The following C17orf99 variants were observed in gnomAD, a reference collection of about 807,000 sequenced individuals.
The protein encoded by C17orf99 is chromosome 17 open reading frame 99.
In C17orf99, 18 loss-of-function variants were observed where a neutral mutation model predicts 22.6. The observed-to-expected ratio is 0.80, with a 90% CI of 0.55 to 1.18. The LOEUF is 1.18. Among genes scored for constraint, C17orf99 ranks in the 50% most tolerant of loss-of-function variants. The probability of loss-of-function intolerance (pLI) is 0.00; values close to 1 mark genes in which losing one functional copy is unlikely to be tolerated. For missense variants in C17orf99, 328 were observed against 342.7 expected, an observed-to-expected ratio of 0.96 and a Z score of 0.34; for synonymous variants, 147 against 136.6, an observed-to-expected ratio of 1.08 and a Z score of -0.53.
intron 3 of C17orf99, among the ~76,000 whole-genome samples, 152 bp from the exon 4 acceptor site, chr17:78,163,943 A>T (rs1272298625): frequency 6.6e-6 from 1 of 152,272 alleles, no homozygotes. Flanking sequence ...CAGCCCAGAC[A>T]CAAGGTGGAG....
intron 2 of C17orf99, among the ~76,000 whole-genome samples, chr17:78,155,097 A>G (rs2075515029): frequency 6.8e-6 from 1 of 147,524 alleles, no homozygotes; most frequent in African/African-American, 2.5e-5. Context: ...CTTGGCCTCT[A>G]CCCACTAAAT....
At chr17:78,150,994 G>A (rs1454762075) in intron 2 of C17orf99, among the ~76,000 whole-genome samples, 3 of 151,986 alleles carry the variant, frequency 2.0e-5, no homozygotes. Context: ...TTGGTGGCAG[G>A]CGCCTGTAAT....
intron 2 of C17orf99, among the ~76,000 whole-genome samples, chr17:78,148,980 G>T (rs1482362300): frequency 6.6e-6 from 1 of 152,024 alleles, no homozygotes; most frequent in African/African-American, 2.4e-5. Flanking sequence ...ACATTCTGGA[G>T]GCCAGCAGCA....
chr17:78,155,399 T>C lies in C17orf99; in HGVS notation c.71-5556T>C, dbSNP rs530661366. Among the ~76,000 whole-genome samples, 5 of 152,234 alleles carry C rather than the reference T, an allele frequency of 3.3e-5. No individual in the cohort carries two copies. The East Asian group carries it at 9.6e-4, about 29-fold the overall frequency. ...GAGCAAAGGCAATTCATGACGTCGA[T>C]GATATTCAGATTTCACAGACCCTTC... On this transcript the variant is annotated intron_variant, in intron 2 of 4. Transcript: ENST00000340363.
At chr17:78,163,735 G>A (rs2075595337) in intron 3 of C17orf99, among the ~76,000 whole-genome samples, 1 of 152,252 alleles carries the variant, frequency 6.6e-6, no homozygotes, top group Non-Finnish European at 1.5e-5. Context: ...ATGTGGTGGT[G>A]CACACCTGTA....
At chr17:78,162,595 G>C (rs1380400290) in intron 3 of C17orf99, among the ~76,000 whole-genome samples, 1 of 151,968 alleles carries the variant, frequency 6.6e-6, no homozygotes, top group East Asian at 1.9e-4. Context: ...TTACTGGCTG[G>C]GGTCTTGAAC....
intron 2 of C17orf99, chr17:78,158,045 C>T (rs2075542165): frequency 7.4e-7 from 1 of 1,353,176 alleles, no homozygotes; most frequent in Non-Finnish European, 1.0e-6. Context: ...GCACCTATCA[C>T]TGCTCCAGGA....
chr17:78,149,204 C>G (rs910511008), intron 2 of C17orf99, among the ~76,000 whole-genome samples: 2 of 151,656 alleles, frequency 1.3e-5, no homozygotes, highest in South Asian at 2.1e-4. Flanking sequence ...TGGTGGCGCA[C>G]GTCTGTAATC....
intron 4 of C17orf99, 43 bp downstream of exon 4, chr17:78,164,407 T>C: frequency 1.3e-6 from 2 of 1,550,992 alleles, no homozygotes; most frequent in Non-Finnish European, 1.7e-6. Flanking sequence ...CTGGCGCTTC[T>C]GTGCCGGGAG....
chr17:78,161,739 G>C (rs1350740779), intron 3 of C17orf99, among the ~76,000 whole-genome samples: 1 of 151,838 alleles, frequency 6.6e-6, no homozygotes, highest in African/African-American at 2.4e-5. Flanking sequence ...AGCTACTCAG[G>C]AGGCTGAGGC....
Position 78,154,982 on chromosome 17 carries a change from G to A in C17orf99, c.71-5973G>A, listed in dbSNP as rs181149880. Among the ~76,000 whole-genome samples the A allele has an allele frequency of 1.4e-3, 211 of 152,196 alleles. 2 individuals are homozygous for A. Among genetic ancestry groups the A allele is most frequent in the African/African-American group, 4.5e-3 (186 of 41,524 alleles). On this transcript the variant is annotated intron_variant, in intron 2 of 4. Transcript: ENST00000340363. ...ATCCTGATTCTAGAAGGCTGCTGCCGGTTGTCTAGACCAGAGTTGTCAACC... is the reference window on the plus strand; with the variant it reads ...ATCCTGATTCTAGAAGGCTGCTGCCAGTTGTCTAGACCAGAGTTGTCAACC...
chr17:78,163,933 C>T lies in C17orf99; in HGVS notation c.371-162C>T. Among the ~76,000 whole-genome samples the T allele has an allele frequency of 1.3e-5, 2 of 152,246 alleles. 1 individual carries two copies. The highest frequency in any genetic ancestry group is 2.9e-5 in the Non-Finnish European group (2 of 68,044). On this transcript the variant is annotated intron_variant, in intron 3 of 4. Coordinates refer to ENST00000340363, the MANE Select transcript of C17orf99 (RefSeq NM_001163075.2). ...GTGGTACACACGGCAGGTAGGGCAGCAGCCCAGACACAAGGTGGAGGGCAA... is the reference window on the plus strand; with the variant it reads ...GTGGTACACACGGCAGGTAGGGCAGTAGCCCAGACACAAGGTGGAGGGCAA...
At chr17:78,163,700 T>C (rs1387885313) in intron 3 of C17orf99, among the ~76,000 whole-genome samples, 1 of 152,084 alleles carries the variant, frequency 6.6e-6, no homozygotes, top group Admixed American at 6.6e-5. Flanking sequence ...ACCCCATCTC[T>C]GCAAAAAATA....
chr17:78,161,869 A>G (rs1353587297), intron 3 of C17orf99, among the ~76,000 whole-genome samples: 2 of 151,944 alleles, frequency 1.3e-5, no homozygotes, highest in Non-Finnish European at 2.9e-5. Flanking sequence ...AACGAAAAAA[A>G]AGTTAGGCAC....
At chr17:78,160,902 T>C (rs62079086) in intron 2 of C17orf99, 53 bp from the exon 3 acceptor site, 184,558 of 1,445,980 alleles carry the variant, frequency 0.13, 12,864 homozygotes, top group Middle Eastern at 0.26. Flanking sequence ...CTTCTTAAGG[T>C]GCTTGATCAA....
chr17:78,154,525 G>A (rs2075510397), intron 2 of C17orf99, among the ~76,000 whole-genome samples: 1 of 151,528 alleles, frequency 6.6e-6, no homozygotes, highest in Non-Finnish European at 1.5e-5. Context: ...TGAGGCCTGG[G>A]TGACAGGGTA....
chr17:78,158,937 G>T, intron 2 of C17orf99: 1 of 163,062 alleles, frequency 6.1e-6, no homozygotes. Context: ...AAAGACTGGG[G>T]ACCAGCCCCG....
intron 2 of C17orf99, among the ~76,000 whole-genome samples, chr17:78,150,341 T>C (rs956482019): frequency 1.3e-5 from 2 of 152,082 alleles, no homozygotes; most frequent in Admixed American, 1.3e-4. Flanking sequence ...AATTGGGTCT[T>C]CCTATTTTGC....
intron 2 of C17orf99, among the ~76,000 whole-genome samples, chr17:78,150,796 G>C (rs540009083): frequency 5.3e-5 from 8 of 152,198 alleles, no homozygotes; most frequent in South Asian, 4.1e-4. Flanking sequence ...GAGGATACAG[G>C]GGATTTTGAT....
Sources: allele counts gnomAD v4.1 joint callset (sites outside exome capture counted in the v4.1 genomes callset), GRCh38; gene constraint gnomAD v4.1.1; transcripts MANE v1.5; gene names NCBI Gene and HGNC (gene_info 2026-07-23, HGNC 2026-07-21).